Variants in ZNF804A observed in about 807,000 individuals in gnomAD.
ZNF804A encodes the protein zinc finger protein 804A.
In ZNF804A, 2 loss-of-function variants were observed where a neutral mutation model predicts 16.5. The ratio of observed to expected loss-of-function variants is 0.12; its 90% confidence interval spans 0.05 to 0.38. ZNF804A has a LOEUF of 0.38. Ranked by LOEUF, ZNF804A falls within the 10% of genes least tolerant of loss-of-function variation. The pLI, the probability that ZNF804A is intolerant of heterozygous loss-of-function variation, is 0.99. For missense variants in ZNF804A, 1,473 were observed against 1,390.7 expected, an observed-to-expected ratio of 1.06 and a Z score of -0.94; for synonymous variants, 534 against 489.6, an observed-to-expected ratio of 1.09 and a Z score of -1.20.
intron 1 of ZNF804A, among the ~76,000 whole-genome samples, chr2:184,635,226 C>A (rs1309284424): frequency 6.6e-6 from 1 of 152,066 alleles, no homozygotes; most frequent in East Asian, 1.9e-4. Context: ...ACAGTACAAG[C>A]ATTTTTCCGT....
intron 1 of ZNF804A, among the ~76,000 whole-genome samples, chr2:184,859,586 G>A (rs886521613): frequency 6.6e-6 from 1 of 152,096 alleles, no homozygotes; most frequent in African/African-American, 2.4e-5. Flanking sequence ...TTCTCAAGCA[G>A]TTTTTATATC....
intron 1 of ZNF804A, among the ~76,000 whole-genome samples, chr2:184,691,334 T>G (rs1243100245): frequency 6.6e-6 from 1 of 151,990 alleles, no homozygotes; most frequent in Non-Finnish European, 1.5e-5. Context: ...AAACTACCAA[T>G]TCTAGAATAA....
At chr2:184,620,889 T>C (rs1299680796) in intron 1 of ZNF804A, among the ~76,000 whole-genome samples, 1 of 151,738 alleles carries the variant, frequency 6.6e-6, no homozygotes, top group African/African-American at 2.4e-5. Flanking sequence ...TCATAAATGG[T>C]AGTAAATGTT....
intron 1 of ZNF804A, among the ~76,000 whole-genome samples, chr2:184,763,469 C>T (rs1387799932): frequency 6.6e-6 from 1 of 151,862 alleles, no homozygotes; most frequent in East Asian, 1.9e-4. Flanking sequence ...ACTACTAAGA[C>T]TTCCTGCCTT....
intron 2 of ZNF804A, among the ~76,000 whole-genome samples, chr2:184,881,961 T>A (rs1684815779): frequency 6.6e-6 from 1 of 151,986 alleles, no homozygotes; most frequent in Admixed American, 6.6e-5. Flanking sequence ...TGAATGTAAA[T>A]AGGTTAAATG....
intron 1 of ZNF804A, among the ~76,000 whole-genome samples, chr2:184,812,440 C>T (rs1386583888): frequency 6.6e-6 from 1 of 152,082 alleles, no homozygotes; most frequent in Non-Finnish European, 1.5e-5. Context: ...ATTAAAAAAA[C>T]ACAATGGAAT....
At chr2:184,821,595 G>A (rs1695084878) in intron 1 of ZNF804A, among the ~76,000 whole-genome samples, 1 of 152,022 alleles carries the variant, frequency 6.6e-6, no homozygotes, top group Non-Finnish European at 1.5e-5. Context: ...TTTCTGCACA[G>A]CAAAGGAAAC....
chr2:184,690,060 G>A (rs1692705152), intron 1 of ZNF804A, among the ~76,000 whole-genome samples: 2 of 151,880 alleles, frequency 1.3e-5, no homozygotes, highest in Admixed American at 6.6e-5. Flanking sequence ...AGAAATGTGT[G>A]ACTATTCTAA....
rs759053144 is a variant in ZNF804A, at chr2:184,604,146, C to CTTTTTTTTTTTTTTTTT, written c.111+5101_111+5117dup. ...TTCAGGTTATGGATGACTGCAATTA[C>CTTTTTTTTTTTTTTTTT]TTTTTTTTTTTTTTTTTTTTTTTTT... On this transcript the variant is annotated intron_variant, in intron 1 of 3. Transcript: ENST00000302277. Among the ~76,000 whole-genome samples, 22 of 44,896 alleles carry CTTTTTTTTTTTTTTTTT rather than the reference C, an allele frequency of 4.9e-4. 8 individuals are homozygous for CTTTTTTTTTTTTTTTTT. Among genetic ancestry groups the CTTTTTTTTTTTTTTTTT allele is most frequent in the Non-Finnish European group, 7.5e-4 (17 of 22,812 alleles). 29.5% of individuals were successfully genotyped at this position (44,896 alleles called of 152,430 possible). A position where few individuals can be genotyped will look rare whatever the true frequency, so the allele number is the denominator to read the frequency against.
intron 1 of ZNF804A, among the ~76,000 whole-genome samples, chr2:184,799,789 C>T (rs1028673630): frequency 1.3e-5 from 2 of 152,146 alleles, no homozygotes; most frequent in South Asian, 2.1e-4. Context: ...AGCCATCTGC[C>T]TGCCTCAGGC....
chr2:184,608,447 T>C (rs1691185648), intron 1 of ZNF804A, among the ~76,000 whole-genome samples: 1 of 152,146 alleles, frequency 6.6e-6, no homozygotes, highest in South Asian at 2.1e-4. Flanking sequence ...CTGTAATTGG[T>C]GGAAAAGCAG....
At position 184,938,504 on chromosome 2, in the gene ZNF804A, C is replaced by A. The variant is rs142448316; in HGVS notation, c.3108C>A (p.Ile1036=). Residue 1036 remains isoleucine, a synonymous_variant, in exon 4 of 4, where the codon ATC becomes ATA. Transcript: ENST00000302277. Reference sequence around the variant, plus strand: ...CTTTACCAGAGCAAGCATTATTGATCCCACTAGAAAACCATGACAAATTCA... The same window carrying A: ...CTTTACCAGAGCAAGCATTATTGATACCACTAGAAAACCATGACAAATTCA... ...PLALPEQALL[I]PLENHDKFKN... is the part of the protein sequence containing the mutation. 6.2e-7 allele frequency: 1 copy of A among 1,613,930 alleles called. No homozygotes were observed. Among genetic ancestry groups the A allele is most frequent in the Non-Finnish European group, 8.5e-7 (1 of 1,180,012 alleles).
chr2:184,629,355 A>G (rs1009650798), intron 1 of ZNF804A, among the ~76,000 whole-genome samples: 5 of 152,156 alleles, frequency 3.3e-5, no homozygotes, highest in Non-Finnish European at 7.4e-5. Flanking sequence ...AAATGCCTAC[A>G]TCAAAAAAGA....
intron 2 of ZNF804A, among the ~76,000 whole-genome samples, chr2:184,882,563 TA>T (rs1025412664): frequency 6.6e-6 from 1 of 151,746 alleles, no homozygotes; most frequent in Non-Finnish European, 1.5e-5. Context: ...CTCAGCAAAT[TA>T]AAAAATAATA....
chr2:184,611,218 C>T (rs1368895144), intron 1 of ZNF804A, among the ~76,000 whole-genome samples: 2 of 152,096 alleles, frequency 1.3e-5, no homozygotes, highest in Non-Finnish European at 2.9e-5. Context: ...ACCTAATTAC[C>T]TTCCAAAGTC....
rs200106458 is a variant in ZNF804A at position 184,673,704 on chromosome 2, T to C, written c.111+74634T>C. Reference sequence around the variant, plus strand: ...CCTTCATTATTGCTTCTTTTATTGCTTTATGTTTTACTACCATTAAAATAG... The same window carrying C: ...CCTTCATTATTGCTTCTTTTATTGCCTTATGTTTTACTACCATTAAAATAG... On this transcript the variant is annotated intron_variant, in intron 1 of 3. Coordinates refer to ENST00000302277, the MANE Select transcript of ZNF804A (RefSeq NM_194250.2). Among the ~76,000 whole-genome samples the C allele has an allele frequency of 1.4e-4, 22 of 152,320 alleles. No individual in the cohort carries two copies. In the East Asian group the frequency reaches 3.9e-3, roughly 27 times the overall value.
chr2:184,873,020 G>A (rs886140951), intron 2 of ZNF804A, among the ~76,000 whole-genome samples: 1 of 152,096 alleles, frequency 6.6e-6, no homozygotes, highest in African/African-American at 2.4e-5. Context: ...CTTTTTATTT[G>A]ATGATTGATT....
chr2:184,755,156 GT>G (rs1283611926), intron 1 of ZNF804A, among the ~76,000 whole-genome samples: 1 of 151,938 alleles, frequency 6.6e-6, no homozygotes, highest in Non-Finnish European at 1.5e-5. Context: ...TTATGTCAAA[GT>G]TAGTCTTTGA....
At chr2:184,602,937 G>A (rs997169527) in intron 1 of ZNF804A, among the ~76,000 whole-genome samples, 1 of 151,996 alleles carries the variant, frequency 6.6e-6, no homozygotes, top group African/African-American at 2.4e-5. Context: ...TTTGGTCGAA[G>A]GCACTTTATT....
Sources: allele counts gnomAD v4.1 joint callset (sites outside exome capture counted in the v4.1 genomes callset), GRCh38; gene constraint gnomAD v4.1.1; transcripts MANE v1.5; gene names NCBI Gene and HGNC (gene_info 2026-07-23, HGNC 2026-07-21).